CKAP5: variants seen among roughly 807,000 people sequenced by gnomAD.
The protein encoded by CKAP5 is cytoskeleton associated protein 5, also known as cytoskeleton-associated protein 5.
In CKAP5, 27 loss-of-function variants were observed where a neutral mutation model predicts 232.8. The observed-to-expected ratio is 0.12, with a 90% CI of 0.09 to 0.16. The LOEUF (loss-of-function observed/expected upper bound fraction) is 0.16. Ranked by LOEUF, CKAP5 falls within the 10% of genes least tolerant of loss-of-function variation. The pLI is 1.00. For missense variants in CKAP5, 1,838 were observed against 2,424.7 expected (o/e 0.76, Z 5.08); for synonymous variants, 785 against 841.1 (o/e 0.93, Z 1.16).
Position 46,762,046 on chromosome 11 carries a change from G to A in CKAP5, c.4175C>T (p.Thr1392Met), listed in dbSNP as rs1392351972. 1.1e-5 allele frequency: 17 copies of A among 1,613,764 alleles called. No homozygotes were observed. Among genetic ancestry groups the A allele is most frequent in the Non-Finnish European group, 1.4e-5 (16 of 1,179,786 alleles). ...CTGATCCCCATGTACATTGTACACC[G>A]TTACAATGGTGTTGAGTGCAGCATT... ...VRNAALNTIV[T>M]VYNVHGDQVF... Residue 1392 changes from threonine to methionine, a missense_variant, in exon 32 of 44, where the codon ACG becomes ATG. Coordinates refer to ENST00000529230, the MANE Select transcript of CKAP5 (RefSeq NM_001008938.4).
intron 26 of CKAP5, among the ~76,000 whole-genome samples, chr11:46,767,948 G>A (rs752789568): frequency 8.7e-5 from 13 of 149,816 alleles, no homozygotes; most frequent in Non-Finnish European, 1.5e-4. Context: ...CCGTGCCACC[G>A]CACCCAGCTA....
intron 1 of CKAP5, among the ~76,000 whole-genome samples, chr11:46,831,315 T>G (rs1485629862): frequency 6.6e-6 from 1 of 152,172 alleles, no homozygotes; most frequent in Non-Finnish European, 1.5e-5. Flanking sequence ...CTTTAAAACT[T>G]TAAAATTCCC....
intron 36 of CKAP5, among the ~76,000 whole-genome samples, 180 bp from the exon 37 acceptor site, chr11:46,753,677 C>T (rs575357855): frequency 6.6e-6 from 1 of 152,100 alleles, no homozygotes; most frequent in South Asian, 2.1e-4. Flanking sequence ...AGCTCTGCCT[C>T]CCCGGTTCAT....
rs192791126 is a variant in CKAP5 at position 46,790,592 on chromosome 11, A to C, written c.1651-9T>G. On this transcript the variant is annotated splice_polypyrimidine_tract_variant and intron_variant, in intron 13 of 43. Transcript: ENST00000529230. ...TTTGGTGGCCCACCAGCCTAAAAAC[A>C]ATTTAAAAAATAAAAATTAAACCAC... is the stretch of plus-strand genomic sequence containing the variant. The C allele has an allele frequency of 3.5e-4, 559 of 1,582,160 alleles. 1 individual carries two copies. In the African/African-American group the frequency reaches 6.9e-3, roughly 19 times the overall value.
rs774298692 is a variant in CKAP5 at position 46,790,109 on chromosome 11, T to C, written c.1842A>G (p.Lys614=). ...CIQLLDSSNW[K]ERLACMEEFQ... Reference sequence around the variant, plus strand: ...ACTCTTCCATACAAGCCAGCCTTTCTTTCCAGTTACTGCTGTCAAGAAGCT... The same window carrying C: ...ACTCTTCCATACAAGCCAGCCTTTCCTTCCAGTTACTGCTGTCAAGAAGCT... The change falls in exon 15 of 44, where the codon AAA becomes AAG. Residue 614 remains lysine (K), a synonymous_variant. Transcript: ENST00000529230. 3.1e-6 allele frequency: 5 copies of C among 1,612,156 alleles called. No individual in the cohort carries two copies. In the Admixed American group the frequency reaches 8.3e-5, roughly 27 times the overall value.
rs1345011057 is a variant in CKAP5 at position 46,750,622 on chromosome 11, G to C, written c.5461-11C>G. 3.1e-6 allele frequency: 5 copies of C among 1,602,474 alleles called. No individual in the cohort carries two copies. In the Admixed American group the frequency reaches 5.0e-5, roughly 16 times the overall value. The stretch of plus-strand genomic sequence containing the variant: ...TGATGATTTTTCATCCTGAAAAGTT[G>C]AAAGACATAGGAAGAATTGGTTAGA... On this transcript the variant is annotated splice_polypyrimidine_tract_variant and intron_variant, in intron 40 of 43. Coordinates refer to ENST00000529230, the MANE Select transcript of CKAP5 (RefSeq NM_001008938.4).
chr11:46,750,520 A>G lies in CKAP5; in HGVS notation c.5544+8T>C, dbSNP rs781030915. Reference sequence around the variant, plus strand: ...GACCCCTATTCTGCTTAACCCTTTCACTCTCACCTCTTTAGTGTTTTCTTT... The same window carrying G: ...GACCCCTATTCTGCTTAACCCTTTCGCTCTCACCTCTTTAGTGTTTTCTTT... On this transcript the variant is annotated splice_region_variant and intron_variant, in intron 41 of 43. Coordinates refer to ENST00000529230, the MANE Select transcript of CKAP5 (RefSeq NM_001008938.4). 32 of 1,613,044 alleles carry G rather than the reference A, an allele frequency of 2.0e-5. No individual in the cohort carries two copies. The South Asian group carries it at 2.7e-4, about 14-fold the overall frequency.
chr11:46,766,106 A>G (rs559574038), intron 27 of CKAP5, among the ~76,000 whole-genome samples: 1 of 152,372 alleles, frequency 6.6e-6, no homozygotes, highest in African/African-American at 2.4e-5. Context: ...AAACAATAGT[A>G]CACATATTTA....
rs201800427 is a variant in CKAP5 at position 46,811,074 on chromosome 11, G to A, written c.563C>T (p.Ala188Val). 9.3e-6 allele frequency: 15 copies of A among 1,614,042 alleles called. No individual in the cohort carries two copies. In the Middle Eastern group the frequency reaches 5.0e-4, roughly 53 times the overall value. Residue 188 changes from alanine (A) to valine (V), a missense_variant, in exon 5 of 44, where the codon GCT becomes GTT. Ala to Val is a moderately conservative substitution (Grantham distance 64, BLOSUM62 0). Around this residue, in one of 6 missense-constraint regions of CKAP5, gnomAD observed 285 missense variants for 300.0 expected, o/e 0.95. Coordinates refer to ENST00000529230, the MANE Select transcript of CKAP5 (RefSeq NM_001008938.4). Reference protein sequence around the residue: ...KAVRDEAKLIAVEIYRWIRDA... With the variant: ...KAVRDEAKLIVVEIYRWIRDA... The stretch of plus-strand genomic sequence containing the variant: ...CCGAATCCATCTGTAAATCTCCACA[G>A]CAATTAGTTTGGCTTCATCTCGAAC...
rs1390804799 is a variant in CKAP5, at chr11:46,751,384, T to C, written c.5284A>G (p.Thr1762Ala). ...AATTTGCATAAGGTGTGTAGCAGGG[T>C]CTTTAGGGTCCTTATGGGAAATTCA... The part of the protein sequence containing the change: ...KSEFPIRTLK[T>A]LLHTLCKLKG... Residue 1762 changes from threonine to alanine, a missense_variant, in exon 39 of 44, where the codon ACC (threonine) becomes GCC (alanine). This residue lies in a region of CKAP5 where 579 missense variants were observed against 843.2 expected (regional missense o/e 0.69). Transcript: ENST00000529230. 1.9e-6 allele frequency: 3 copies of C among 1,614,004 alleles called. No individual in the cohort carries two copies.
At chr11:46,779,809 A>C (rs12292399) in intron 20 of CKAP5, among the ~76,000 whole-genome samples, 5,692 of 151,438 alleles carry the variant, frequency 0.038, 367 homozygotes, top group African/African-American at 0.13. Flanking sequence ...TTTTTTGTAG[A>C]GAAGGTCTCA....
intron 5 of CKAP5, among the ~76,000 whole-genome samples, chr11:46,810,721 C>T (rs1939255406): frequency 6.6e-6 from 1 of 152,154 alleles, no homozygotes; most frequent in Non-Finnish European, 1.5e-5. Flanking sequence ...GTAAGTCCCA[C>T]TTTTTAAGAC....
At chr11:46,771,933 G>A (rs185482470) in intron 24 of CKAP5, among the ~76,000 whole-genome samples, 12 of 151,928 alleles carry the variant, frequency 7.9e-5, no homozygotes, top group Admixed American at 3.9e-4. Flanking sequence ...AGCATTTCAC[G>A]TTACCATTAT....
chr11:46,816,786 A>ATTT (rs397848056), intron 3 of CKAP5, among the ~76,000 whole-genome samples: 7 of 127,196 alleles, frequency 5.5e-5, no homozygotes, highest in African/African-American at 2.1e-4. Context: ...CTTGCTTTCA[A>ATTT]TTTTTTTTTT....
intron 17 of CKAP5, among the ~76,000 whole-genome samples, chr11:46,783,787 CG>C (rs1222152765): frequency 1.1e-4 from 16 of 151,890 alleles, no homozygotes; most frequent in African/African-American, 3.6e-4. Flanking sequence ...CTCACTGCCA[CG>C]TCTGTCTCCC....
intron 16 of CKAP5, among the ~76,000 whole-genome samples, chr11:46,786,729 G>C (rs530450690): frequency 7.9e-5 from 12 of 152,132 alleles, no homozygotes; most frequent in Non-Finnish European, 1.8e-4. Flanking sequence ...CCTAATCTCT[G>C]ACTGACCTTC....
intron 36 of CKAP5, 89 bp downstream of exon 36, chr11:46,754,799 C>A: frequency 9.2e-7 from 1 of 1,090,988 alleles, no homozygotes; most frequent in Non-Finnish European, 1.3e-6. Context: ...ACACAGGACT[C>A]ACTGCAACAT....
chr11:46,777,471 T>C lies in CKAP5; in HGVS notation c.2830A>G (p.Ile944Val). The C allele has an allele frequency of 6.2e-7, 1 of 1,613,306 alleles. No individual in the cohort carries two copies. The highest frequency in any genetic ancestry group is 1.3e-5 in the African/African-American group (1 of 75,038). ...NIKQHVKNLG[I>V]PIITVLGDSK... ...TCTCCAAGGACTGTGATGATAGGGATGCCTAAATTTTTTACATGTTGCTTA... is the reference window on the plus strand; with the variant it reads ...TCTCCAAGGACTGTGATGATAGGGACGCCTAAATTTTTTACATGTTGCTTA... Residue 944 changes from isoleucine to valine, a missense_variant, in exon 23 of 44, where the codon ATC becomes GTC. Ile to Val is a conservative substitution (Grantham distance 29). Transcript: ENST00000529230.
Position 46,767,681 on chromosome 11 carries a change from T to C in CKAP5, c.3323-18A>G, listed in dbSNP as rs1228215306. 6 of 1,470,502 alleles carry C rather than the reference T, an allele frequency of 4.1e-6. No individual in the cohort carries two copies. Among genetic ancestry groups the C allele is most frequent in the African/African-American group, 1.4e-5 (1 of 70,992 alleles). 91.1% of individuals were successfully genotyped at this position (1,470,502 alleles called of 1,614,324 possible). On this transcript the variant is annotated intron_variant, in intron 26 of 43. Transcript: ENST00000529230. ...AGCAGGTGCTTTGAGGAAAAAAATA[T>C]ATATATACTATAAACTTTAACTAAT...
Sources: allele counts gnomAD v4.1 joint callset (sites outside exome capture counted in the v4.1 genomes callset), GRCh38; gene constraint gnomAD v4.1.1; regional missense constraint gnomAD v4.1.1; transcripts MANE v1.5; gene names NCBI Gene and HGNC (gene_info 2026-07-23, HGNC 2026-07-21).